ZNF568: variants seen among roughly 807,000 people sequenced by gnomAD.
ZNF568 encodes zinc finger protein 568, also known as p53 inhibitor of SCO2 activation.
In ZNF568, 11 loss-of-function variants were observed where a neutral mutation model predicts 18.1. The observed-to-expected ratio is 0.61, with a 90% CI of 0.38 to 1.00. The LOEUF is 1.00. ZNF568 is among the 50% of genes least tolerant of loss of function. The pLI, the probability that ZNF568 is intolerant of heterozygous loss-of-function variation, is 0.01. For missense variants in ZNF568, 639 were observed against 768.2 expected (o/e 0.83, Z 1.99); for synonymous variants, 213 against 246.6 (o/e 0.86, Z 1.28).
Position 36,971,737 on chromosome 19 carries a change from C to T in ZNF568, c.359-2683C>T, listed in dbSNP as rs147119976. ...TATTTTTAGGAGAGACGAGGTTTCA[C>T]CATGTTGGCCAGGATGGTCTCGATC... On this transcript the variant is annotated intron_variant, in intron 6 of 7. Coordinates refer to the ZNF568 transcript ENST00000427117. Among the ~76,000 whole-genome samples, 167 of 152,170 alleles carry T rather than the reference C, an allele frequency of 1.1e-3. 2 individuals carry two copies. The Middle Eastern group carries it at 0.024, about 22-fold the overall frequency.
At chr19:36,926,323 C>T (rs2073552948) in intron 4 of ZNF568, among the ~76,000 whole-genome samples, 1 of 152,154 alleles carries the variant, frequency 6.6e-6, no homozygotes, top group Non-Finnish European at 1.5e-5. Context: ...TTTTCTTCAG[C>T]TTATGTCTTT....
At chr19:36,926,664 G>A (rs2073559754) in intron 4 of ZNF568, among the ~76,000 whole-genome samples, 2 of 152,108 alleles carry the variant, frequency 1.3e-5, no homozygotes, top group South Asian at 4.1e-4. Context: ...TCTGCCATTG[G>A]TTGAATCCAT....
At chr19:36,943,470 T>C (rs1262483446) in intron 6 of ZNF568, among the ~76,000 whole-genome samples, 3 of 152,184 alleles carry the variant, frequency 2.0e-5, no homozygotes, top group South Asian at 2.1e-4. Context: ...AGAATAATGA[T>C]TGGTGTCCTA....
At position 36,974,570 on chromosome 19, in the gene ZNF568, AG is replaced by A; in HGVS notation, c.405+108del. ...ATATTTACATTCATGATTTGGACAA[AG>A]GGGAAGAGGGGAGGAAACTGCATTT... On this transcript the variant is annotated intron_variant, in intron 7 of 7. Coordinates refer to the ZNF568 transcript ENST00000427117. The A allele has an allele frequency of 3.4e-6, 4 of 1,179,360 alleles. 1 individual carries two copies. In the South Asian group the frequency reaches 5.4e-5, roughly 16 times the overall value. The allele number at this position is 1,179,360 out of a possible 1,614,324, so 73.1% of individuals were successfully genotyped here.
At chr19:36,966,410 C>T (rs1056073641) in intron 6 of ZNF568, among the ~76,000 whole-genome samples, 1 of 152,180 alleles carries the variant, frequency 6.6e-6, no homozygotes, top group African/African-American at 2.4e-5. Flanking sequence ...CATGCCTGGT[C>T]CATCTTCTCA....
At position 36,952,143 on chromosome 19, in the gene ZNF568, A is replaced by T; in HGVS notation, c.*1055A>T. 1.0e-5 allele frequency: 6 copies of T among 580,836 alleles called. No individual in the cohort carries two copies. Among genetic ancestry groups the T allele is most frequent in the East Asian group, 1.5e-4 (1 of 6,846 alleles). 36.0% of individuals were successfully genotyped at this position (580,836 alleles called of 1,614,324 possible). A position where few individuals can be genotyped will look rare whatever the true frequency, so the allele number is the denominator to read the frequency against. Reference sequence around the variant, plus strand: ...ATAATGCATAAGAAATATATATATAATATATGTATGTATGTATAGCCAGAT... The same window carrying T: ...ATAATGCATAAGAAATATATATATATTATATGTATGTATGTATAGCCAGAT... On this transcript the variant is annotated 3_prime_UTR_variant, in exon 7 of 7. Coordinates refer to ENST00000333987, the MANE Select transcript of ZNF568 (RefSeq NM_198539.4).
Position 36,950,539 on chromosome 19 carries a change from T to C in ZNF568, c.1386T>C (p.Ile462=), listed in dbSNP as rs200958624. Residue 462 remains isoleucine, a synonymous_variant, in exon 7 of 7, where the codon ATT becomes ATC. Coordinates refer to ENST00000333987, the MANE Select transcript of ZNF568 (RefSeq NM_198539.4). ...GKAFSRKENL[I]THQKIHTGEK... is the part of the protein sequence containing the mutation. ...CCTTCAGCAGGAAAGAAAATCTCAT[T>C]ACACATCAGAAAATTCACACTGGAG... 1.0e-3 allele frequency: 1,667 copies of C among 1,613,616 alleles called. 29 individuals are homozygous for C. The South Asian group carries it at 0.017, about 17-fold the overall frequency.
In ZNF568 at chr19:36,922,688, G is replaced by A. The variant is rs1448718758; in HGVS notation, c.-83G>A. ...GACCTGACCTGAGACCTGCCTTAGA[G>A]GCTGGAGAGTCCTGAAAGAGAGTGG... is the stretch of plus-strand genomic sequence containing the variant. On this transcript the variant is annotated 5_prime_UTR_variant, in exon 3 of 7. Transcript: ENST00000333987. 38 of 1,230,928 alleles carry A rather than the reference G, an allele frequency of 3.1e-5. No homozygotes were observed. The highest frequency in any genetic ancestry group is 8.9e-5 in the African/African-American group (6 of 67,326). The allele number at this position is 1,230,928 out of a possible 1,614,324, so 76.3% of individuals were successfully genotyped here. A position where few individuals can be genotyped will look rare whatever the true frequency, so the allele number is the denominator to read the frequency against.
chr19:36,988,798 G>A (rs74719523), intron 2 of ZNF568, among the ~76,000 whole-genome samples: 2,612 of 152,276 alleles, frequency 0.017, 40 homozygotes, highest in Middle Eastern at 0.054. Flanking sequence ...TAATGAGCCA[G>A]TCAGGGTAGT....
At chr19:36,921,925 C>T (rs2073463483) in intron 2 of ZNF568, among the ~76,000 whole-genome samples, 1 of 152,160 alleles carries the variant, frequency 6.6e-6, no homozygotes, top group African/African-American at 2.4e-5. Context: ...CCTCATCGAG[C>T]ATACACCTTT....
At position 36,922,616 on chromosome 19, in the gene ZNF568, G is replaced by T. The variant is rs1294872378; in HGVS notation, c.-155G>T. Reference sequence around the variant, plus strand: ...GGTTCCACAAGGATAAAACACATCTGCAGTGCAAATAGAAGTCTGAGGAAC... The same window carrying T: ...GGTTCCACAAGGATAAAACACATCTTCAGTGCAAATAGAAGTCTGAGGAAC... On this transcript the variant is annotated 5_prime_UTR_variant, in exon 3 of 7. Coordinates refer to ENST00000333987, the MANE Select transcript of ZNF568 (RefSeq NM_198539.4). 3.8e-6 allele frequency: 2 copies of T among 526,796 alleles called. No homozygotes were observed. Among genetic ancestry groups the T allele is most frequent in the Non-Finnish European group, 3.4e-6 (1 of 294,680 alleles). The allele number at this position is 526,796 out of a possible 1,614,324, so 32.6% of individuals were successfully genotyped here.
At chr19:36,982,109 T>C (rs2074336554), downstream of ZNF568, among the ~76,000 whole-genome samples, 1 of 152,206 alleles carries the variant, frequency 6.6e-6, no homozygotes, top group Non-Finnish European at 1.5e-5. Flanking sequence ...AAGATACTTT[T>C]TGGTTGTAAA....
downstream of ZNF568, among the ~76,000 whole-genome samples, chr19:36,955,106 C>G (rs1174232218): frequency 1.3e-5 from 2 of 152,006 alleles, no homozygotes; most frequent in African/African-American, 2.4e-5. Context: ...CTGTGAGCCA[C>G]CATGCCCAGC....
At chr19:36,962,823 G>A (rs2146324632) in intron 6 of ZNF568, among the ~76,000 whole-genome samples, 1 of 151,702 alleles carries the variant, frequency 6.6e-6, no homozygotes, top group South Asian at 2.1e-4. Flanking sequence ...TGACCTATAA[G>A]GTTTCTGCTT....
intron 2 of ZNF568, among the ~76,000 whole-genome samples, chr19:36,989,821 C>T (rs1211171164): frequency 5.9e-5 from 9 of 152,162 alleles, no homozygotes; most frequent in African/African-American, 2.2e-4. Context: ...GTTGGGATGA[C>T]AAGAGTGAGC....
downstream of ZNF568, among the ~76,000 whole-genome samples, chr19:36,982,548 A>G (rs1156465024): frequency 6.6e-5 from 10 of 152,024 alleles, no homozygotes; most frequent in Non-Finnish European, 1.5e-4. Context: ...AAAATACAAC[A>G]ACAAAAAATT....
downstream of ZNF568, among the ~76,000 whole-genome samples, chr19:36,984,702 A>G (rs1644667): frequency 0.53 from 80,728 of 151,290 alleles, 22,035 homozygotes; most frequent in African/African-American, 0.62. Context: ...TTTTTTTAAC[A>G]TCTTTATTTG....
At chr19:36,933,913 T>TG (rs2073738468) in intron 4 of ZNF568, among the ~76,000 whole-genome samples, 3 of 33,162 alleles carry the variant, frequency 9.0e-5, no homozygotes, top group South Asian at 1.5e-3. Context: ...TTTTTTTTGT[T>TG]TTGTTTTTTT....
At chr19:36,959,310 A>C (rs1239616753) in intron 6 of ZNF568, among the ~76,000 whole-genome samples, 1 of 152,162 alleles carries the variant, frequency 6.6e-6, no homozygotes, top group African/African-American at 2.4e-5. Flanking sequence ...GTGATGTATC[A>C]TGTTAACTGA....
Sources: allele counts gnomAD v4.1 joint callset (sites outside exome capture counted in the v4.1 genomes callset), GRCh38; gene constraint gnomAD v4.1.1; transcripts MANE v1.5; gene names NCBI Gene and HGNC (gene_info 2026-07-23, HGNC 2026-07-21).